The following RNF144B variants were observed in gnomAD, a reference collection of about 807,000 sequenced individuals.
RNF144B encodes E3 ubiquitin-protein ligase RNF144B.
RNF144B carries 25 observed loss-of-function variants against 40.2 expected under a neutral mutation model. The ratio of observed to expected loss-of-function variants is 0.62; its 90% confidence interval spans 0.45 to 0.87. RNF144B has a LOEUF of 0.87. Among genes scored for constraint, RNF144B ranks in the 40% least tolerant of loss-of-function variants. The pLI is 0.00. For synonymous variants in RNF144B, 145 were observed against 136.3 expected (o/e 1.06, Z -0.44); for missense variants, 365 against 373.7 (o/e 0.98, Z 0.19).
In RNF144B at chr6:18,465,318, T is replaced by G. The variant is rs1454814657; in HGVS notation, c.*251T>G. On this transcript the variant is annotated 3_prime_UTR_variant, in exon 8 of 8. Transcript: ENST00000259939. ...GAGCTTTGGGGTTCCTTGAGATGAA[T>G]GAACATATCATTTTATCATCCAAAG... 1 of 508,180 alleles carries G rather than the reference T, an allele frequency of 2.0e-6. No homozygotes were observed. The highest frequency in any genetic ancestry group is 1.9e-5 in the African/African-American group (1 of 52,252). 31.5% of individuals were successfully genotyped at this position (508,180 alleles called of 1,614,324 possible). A position where few individuals can be genotyped will look rare whatever the true frequency, so the allele number is the denominator to read the frequency against.
At chr6:18,408,846 A>G (rs546357531) in intron 2 of RNF144B, among the ~76,000 whole-genome samples, 1 of 152,276 alleles carries the variant, frequency 6.6e-6, no homozygotes, top group Admixed American at 6.5e-5. Context: ...TCCATCCCTG[A>G]ATCAATTTCT....
rs892361066 is a variant in RNF144B, at chr6:18,434,657, T to C, written c.271-5027T>C. ...TGTTTTTTTAGACAGAGTCTTGCTC[T>C]GTCGCCCAGGCTGGAATGCAGTGGT... On this transcript the variant is annotated intron_variant, in intron 3 of 7. Coordinates refer to ENST00000259939, the MANE Select transcript of RNF144B (RefSeq NM_182757.4). This position sits in a 1 kb window ranked among gnomAD's most constrained non-coding sequence, Gnocchi z 4.1. 6.6e-6 allele frequency among the ~76,000 whole-genome samples: 1 copy of C among 152,190 alleles called. No homozygotes were observed. Among genetic ancestry groups the C allele is most frequent in the South Asian group, 2.1e-4 (1 of 4,826 alleles).
chr6:18,430,149 G>A (rs914523604), intron 3 of RNF144B, among the ~76,000 whole-genome samples: 3 of 152,130 alleles, frequency 2.0e-5, no homozygotes, highest in African/African-American at 7.2e-5. Context: ...AGCCACATGT[G>A]GCTATTTAAA....
Position 18,406,628 on chromosome 6 carries a change from A to G in RNF144B, c.165+6929A>G, listed in dbSNP as rs1435429906. On this transcript the variant is annotated intron_variant, in intron 2 of 7. Coordinates refer to ENST00000259939, the MANE Select transcript of RNF144B (RefSeq NM_182757.4). This position sits in a 1 kb window ranked among gnomAD's most constrained non-coding sequence, Gnocchi z 4.2. The stretch of plus-strand genomic sequence containing the variant: ...CTTGAGAACTAAGAGAGCCAGTGGT[A>G]TAAGTCCCAGTCCGAGGGCAGGAGA... Among the ~76,000 whole-genome samples, 2 of 152,074 alleles carry G rather than the reference A, an allele frequency of 1.3e-5. No individual in the cohort carries two copies. Among genetic ancestry groups the G allele is most frequent in the East Asian group, 1.9e-4 (1 of 5,180 alleles).
intron 3 of RNF144B, among the ~76,000 whole-genome samples, chr6:18,437,816 C>A (rs1330151757): frequency 1.3e-5 from 2 of 152,198 alleles, no homozygotes; most frequent in Non-Finnish European, 2.9e-5. Flanking sequence ...AACATTTCAT[C>A]TGTATCTAAA....
intron 2 of RNF144B, among the ~76,000 whole-genome samples, chr6:18,417,318 A>G (rs889512584): frequency 6.6e-6 from 1 of 152,194 alleles, no homozygotes; most frequent in African/African-American, 2.4e-5. Context: ...TCCTCATTTC[A>G]AAACTGATTA....
At chr6:18,463,882 G>T (rs1488095559) in intron 7 of RNF144B, among the ~76,000 whole-genome samples, 1 of 152,164 alleles carries the variant, frequency 6.6e-6, no homozygotes, top group Admixed American at 6.5e-5. Flanking sequence ...ATGGTGGCAG[G>T]CAAGAGAGCT....
chr6:18,431,231 A>G (rs1758689379), intron 3 of RNF144B, among the ~76,000 whole-genome samples: 1 of 148,696 alleles, frequency 6.7e-6, no homozygotes, highest in Non-Finnish European at 1.5e-5. Flanking sequence ...ATCTCAAAAA[A>G]AAATAAAAAA....
chr6:18,419,868 A>G lies in RNF144B; in HGVS notation c.166-7713A>G, dbSNP rs77600867. Among the ~76,000 whole-genome samples the G allele has an allele frequency of 0.018, 2,667 of 152,278 alleles. 33 individuals carry two copies. Among genetic ancestry groups the G allele is most frequent in the Non-Finnish European group, 0.028 (1,894 of 68,016 alleles). ...CTTTTCTTTGATTTCTTTGATTAGG[A>G]TATTTTGAACATGTTCAAGTATAGA... On this transcript the variant is annotated intron_variant, in intron 2 of 7. Transcript: ENST00000259939. This position sits in a 1 kb window ranked among gnomAD's most constrained non-coding sequence, Gnocchi z 4.6.
intron 2 of RNF144B, among the ~76,000 whole-genome samples, chr6:18,411,503 T>A (rs1454432944): frequency 4.9e-5 from 5 of 101,508 alleles, no homozygotes; most frequent in Admixed American, 1.0e-4. Context: ...ATATATTTTT[T>A]TTTTTTTTTT....
At chr6:18,393,151 T>C (rs1459686463) in intron 1 of RNF144B, among the ~76,000 whole-genome samples, 2 of 151,774 alleles carry the variant, frequency 1.3e-5, no homozygotes, top group African/African-American at 2.4e-5. Context: ...TTAATAGATA[T>C]ACAGTTTATT....
In RNF144B at chr6:18,460,614, A is replaced by G. The variant is rs558083; in HGVS notation, c.681+863A>G. Among the ~76,000 whole-genome samples the G allele has an allele frequency of 0.96, 146,873 of 152,232 alleles. 71,086 individuals are homozygous for G. The highest frequency in any genetic ancestry group is 1 in the East Asian group (5,163 of 5,164). On this transcript the variant is annotated intron_variant, in intron 6 of 7. Transcript: ENST00000259939. This position sits in a 1 kb window ranked among gnomAD's most constrained non-coding sequence, Gnocchi z 4.4. ...TCTTCTCTCCCTCATGCTCTCTTGCATGCTCTCACTCGCTCTCTCTCTCTC... is the reference window on the plus strand; with the variant it reads ...TCTTCTCTCCCTCATGCTCTCTTGCGTGCTCTCACTCGCTCTCTCTCTCTC...
chr6:18,396,033 T>A (rs532752346), intron 1 of RNF144B, among the ~76,000 whole-genome samples: 8 of 152,338 alleles, frequency 5.3e-5, no homozygotes, highest in South Asian at 2.1e-4. Context: ...TGGAATTTTT[T>A]AAAAAACAAA....
intron 3 of RNF144B, among the ~76,000 whole-genome samples, chr6:18,431,994 G>C (rs1582426732): frequency 6.6e-6 from 1 of 152,266 alleles, no homozygotes; most frequent in South Asian, 2.1e-4. Context: ...TGCATTTGGG[G>C]ATTCAACTGC....
chr6:18,425,051 GTGTGGGT>G lies in RNF144B; in HGVS notation c.166-2529_166-2523del, dbSNP rs1562048574. Among the ~76,000 whole-genome samples, 2 of 147,780 alleles carry G rather than the reference GTGTGGGT, an allele frequency of 1.4e-5. No homozygotes were observed. The highest frequency in any genetic ancestry group is 3.0e-5 in the Non-Finnish European group (2 of 66,132). On this transcript the variant is annotated intron_variant, in intron 2 of 7. Coordinates refer to ENST00000259939, the MANE Select transcript of RNF144B (RefSeq NM_182757.4). This position sits in a 1 kb window ranked among gnomAD's most constrained non-coding sequence, Gnocchi z 4.2. ...ATAAATTTCACGTGTATGTGTGTAT[GTGTGGGT>G]GTGTGTGTGTGTGTGTTAAAACCTG...
chr6:18,416,029 C>G lies in RNF144B; in HGVS notation c.166-11552C>G, dbSNP rs1012012985. Among the ~76,000 whole-genome samples, 1 of 152,058 alleles carries G rather than the reference C, an allele frequency of 6.6e-6. No homozygotes were observed. The highest frequency in any genetic ancestry group is 1.5e-5 in the Non-Finnish European group (1 of 68,014). Reference sequence around the variant, plus strand: ...CCTGTGCTGGGTCTGTGTGCTAAGGCTTTGGTGTCAGCTGAGGGCTTACAG... The same window carrying G: ...CCTGTGCTGGGTCTGTGTGCTAAGGGTTTGGTGTCAGCTGAGGGCTTACAG... On this transcript the variant is annotated intron_variant, in intron 2 of 7. Coordinates refer to ENST00000259939, the MANE Select transcript of RNF144B (RefSeq NM_182757.4). This position sits in a 1 kb window ranked among gnomAD's most constrained non-coding sequence, Gnocchi z 5.5.
rs373606765 is a variant in RNF144B, at chr6:18,416,633, C to T, written c.166-10948C>T. 1.1e-4 allele frequency among the ~76,000 whole-genome samples: 16 copies of T among 152,220 alleles called. No homozygotes were observed. Among genetic ancestry groups the T allele is most frequent in the South Asian group, 6.2e-4 (3 of 4,822 alleles). ...TAGTAATCTTTTCCAGAAAATGTAA[C>T]GGCACTATTTTGGGCTAAAGTATTT... On this transcript the variant is annotated intron_variant, in intron 2 of 7. Transcript: ENST00000259939. The surrounding 1 kb of genome is among the most constrained non-coding windows in gnomAD (Gnocchi z 5.5).
At chr6:18,435,096 T>C (rs471255) in intron 3 of RNF144B, among the ~76,000 whole-genome samples, 32,136 of 152,160 alleles carry the variant, frequency 0.21, 3,428 homozygotes, top group East Asian at 0.25. Context: ...TTGGGTGTTT[T>C]CCCCCACCTT....
chr6:18,434,255 A>G lies in RNF144B; in HGVS notation c.271-5429A>G, dbSNP rs565345403. On this transcript the variant is annotated intron_variant, in intron 3 of 7. Coordinates refer to ENST00000259939, the MANE Select transcript of RNF144B (RefSeq NM_182757.4). The surrounding 1 kb of genome is among the most constrained non-coding windows in gnomAD (Gnocchi z 4.1). ...TTTTCTTAACTAAAAAGCAATATAC[A>G]TTGTATTTATTAACACTTCATATGG... 2.0e-5 allele frequency among the ~76,000 whole-genome samples: 3 copies of G among 152,196 alleles called. No homozygotes were observed. The highest frequency in any genetic ancestry group is 2.1e-4 in the South Asian group (1 of 4,820).
Sources: gnomAD v4.1 joint callset for allele counts (sites outside exome capture counted in the v4.1 genomes callset) on GRCh38, gnomAD v4.1.1 for gene constraint, Gnocchi (gnomAD v3.1) non-coding constraint, MANE v1.5 for transcripts, NCBI Gene and HGNC (gene_info 2026-07-23, HGNC 2026-07-21) for gene names.